Variants in PPP3CA observed in about 807,000 individuals in gnomAD.
PPP3CA encodes CAM-PRP catalytic subunit.
In PPP3CA, 14 loss-of-function variants were observed where a neutral mutation model predicts 66.5. The observed-to-expected ratio is 0.21, with a 90% CI of 0.14 to 0.33. The LOEUF (loss-of-function observed/expected upper bound fraction) is 0.33, where lower values mean the gene tolerates loss of function less well. PPP3CA is among the 10% of genes least tolerant of loss of function. The pLI is 1.00. For missense variants in PPP3CA, 317 were observed against 639.5 expected (o/e 0.50, Z 5.44); for synonymous variants, 232 against 226.2 (o/e 1.03, Z -0.23).
intron 2 of PPP3CA, among the ~76,000 whole-genome samples, chr4:101,191,012 T>C (rs1409632697): frequency 6.6e-6 from 1 of 152,142 alleles, no homozygotes; most frequent in Non-Finnish European, 1.5e-5. Flanking sequence ...TAGCTAAGCA[T>C]AGGATATGTA....
rs1730047418 is a variant in PPP3CA at position 101,347,318 on chromosome 4, CGCCGCTGCTGCCGCTGCTGCT to C, written c.-543_-523del. On this transcript the variant is annotated 5_prime_UTR_variant, in exon 1 of 14. Transcript: ENST00000394854. ...GCGTCCCCGGCGGCGGAGAGGCGGC[CGCCGCTGCTGCCGCTGCTGCT>C]GCCGCTGCCGCTGTTGCTGCTGCCG... 4.9e-6 allele frequency: 1 copy of C among 203,298 alleles called. No individual in the cohort carries two copies. Among genetic ancestry groups the C allele is most frequent in the African/African-American group, 2.4e-5 (1 of 41,842 alleles). 12.6% of individuals were successfully genotyped at this position (203,298 alleles called of 1,614,324 possible).
At chr4:101,271,540 C>CA (rs1489394510) in intron 1 of PPP3CA, among the ~76,000 whole-genome samples, 1 of 152,104 alleles carries the variant, frequency 6.6e-6, no homozygotes, top group Non-Finnish European at 1.5e-5. Flanking sequence ...GAATAAAACA[C>CA]AAATAAAAAA....
intron 1 of PPP3CA, among the ~76,000 whole-genome samples, chr4:101,334,813 C>T (rs1426923609): frequency 1.3e-5 from 2 of 152,014 alleles, no homozygotes; most frequent in African/African-American, 4.8e-5. Context: ...CTTTCTTCCC[C>T]CCAGAGATAT....
At chr4:101,080,182 C>A (rs964197874) in intron 8 of PPP3CA, among the ~76,000 whole-genome samples, 1 of 152,136 alleles carries the variant, frequency 6.6e-6, no homozygotes, top group African/African-American at 2.4e-5. Flanking sequence ...CATGGACAAT[C>A]ACACTTATTC....
intron 1 of PPP3CA, among the ~76,000 whole-genome samples, chr4:101,221,441 G>T (rs1325373547): frequency 2.6e-5 from 3 of 114,236 alleles, no homozygotes; most frequent in African/African-American, 9.2e-5. Flanking sequence ...TTAAAAGTTT[G>T]TTTAAAATAA....
At chr4:101,067,810 TATAATAATA>T (rs143876116) in intron 8 of PPP3CA, among the ~76,000 whole-genome samples, 2,995 of 147,052 alleles carry the variant, frequency 0.02, 106 homozygotes, top group African/African-American at 0.07. Flanking sequence ...AAACTTAAAG[TATAATAATA>T]ATAATAATAA....
intron 13 of PPP3CA, among the ~76,000 whole-genome samples, chr4:101,027,416 CT>C (rs1726710225): frequency 6.6e-6 from 1 of 152,078 alleles, no homozygotes; most frequent in South Asian, 2.1e-4. Flanking sequence ...TTTTTCCCCC[CT>C]CTGCATTTTA....
intron 3 of PPP3CA, among the ~76,000 whole-genome samples, chr4:101,102,108 A>T (rs1730468527): frequency 6.6e-6 from 1 of 152,160 alleles, no homozygotes; most frequent in Non-Finnish European, 1.5e-5. Flanking sequence ...ATATATTTAC[A>T]CCTTTTAAAT....
chr4:101,326,433 G>C (rs1322785241), intron 1 of PPP3CA, among the ~76,000 whole-genome samples: 1 of 152,082 alleles, frequency 6.6e-6, no homozygotes, highest in African/African-American at 2.4e-5. Context: ...CACCAAGTAG[G>C]TCACATCATA....
intron 2 of PPP3CA, among the ~76,000 whole-genome samples, chr4:101,165,123 T>C (rs1723651091): frequency 6.6e-6 from 1 of 152,130 alleles, no homozygotes. Flanking sequence ...CGGCAGCAGC[T>C]GCTGCAGCAA....
intron 1 of PPP3CA, among the ~76,000 whole-genome samples, chr4:101,316,018 GT>G (rs1475664101): frequency 2.6e-5 from 4 of 152,036 alleles, no homozygotes; most frequent in African/African-American, 9.7e-5. Flanking sequence ...TCAATTCTAT[GT>G]TCTAGGAAGC....
chr4:101,105,327 C>A (rs1273717364), intron 3 of PPP3CA, among the ~76,000 whole-genome samples: 2 of 151,644 alleles, frequency 1.3e-5, no homozygotes, highest in Non-Finnish European at 2.9e-5. Context: ...CCACCATGCC[C>A]AGCTAACTTT....
chr4:101,072,306 A>G (rs1048947100), intron 8 of PPP3CA, among the ~76,000 whole-genome samples: 1 of 152,212 alleles, frequency 6.6e-6, no homozygotes, highest in African/African-American at 2.4e-5. Context: ...AACATAATGG[A>G]ACCATGAGGT....
chr4:101,045,015 G>A (rs1727696480), intron 10 of PPP3CA, among the ~76,000 whole-genome samples: 2 of 152,236 alleles, frequency 1.3e-5, no homozygotes, highest in African/African-American at 4.8e-5. Flanking sequence ...ACACATAACA[G>A]ATGTTGGCTC....
At position 101,207,034 on chromosome 4, in the gene PPP3CA, G is replaced by T. The variant is rs540208450; in HGVS notation, c.59-10918C>A. Among the ~76,000 whole-genome samples the T allele has an allele frequency of 5.3e-5, 8 of 152,070 alleles. No individual in the cohort carries two copies. In the East Asian group the frequency reaches 1.5e-3, roughly 29 times the overall value. ...AAAAGTGAGCAACAGATAGAAAACT[G>T]AAAAGGGACAAGAAAAAAAAATTGC... On this transcript the variant is annotated intron_variant, in intron 1 of 13. Transcript: ENST00000394854.
intron 1 of PPP3CA, among the ~76,000 whole-genome samples, chr4:101,291,425 T>G (rs191721676): frequency 1.2e-3 from 188 of 152,246 alleles, no homozygotes; most frequent in Non-Finnish European, 5.1e-4. Flanking sequence ...CATCACTATG[T>G]CCTTGTTCCA....
At chr4:101,259,187 G>C (rs1325447191) in intron 1 of PPP3CA, among the ~76,000 whole-genome samples, 1 of 152,062 alleles carries the variant, frequency 6.6e-6, no homozygotes, top group African/African-American at 2.4e-5. Flanking sequence ...ACATACCAAC[G>C]GTTTCCTCTC....
chr4:101,063,840 T>C (rs574845212), intron 8 of PPP3CA, among the ~76,000 whole-genome samples: 2 of 151,960 alleles, frequency 1.3e-5, no homozygotes, highest in Non-Finnish European at 2.9e-5. Flanking sequence ...CTTTATTTTT[T>C]AAATTAATAT....
intron 1 of PPP3CA, among the ~76,000 whole-genome samples, chr4:101,298,420 T>A (rs963234572): frequency 3.3e-5 from 5 of 151,648 alleles, no homozygotes; most frequent in African/African-American, 1.2e-4. Context: ...ATACATGAAT[T>A]TTTTTCATTA....
Sources: allele counts gnomAD v4.1 joint callset (sites outside exome capture counted in the v4.1 genomes callset), GRCh38; gene constraint gnomAD v4.1.1; transcripts MANE v1.5; gene names NCBI Gene and HGNC (gene_info 2026-07-23, HGNC 2026-07-21).